The following SCN1A variants were observed in gnomAD, a reference collection of about 807,000 sequenced individuals.
SCN1A encodes the protein sodium channel protein type 1 subunit alpha.
Under a neutral mutation model 193.7 loss-of-function variants are expected in SCN1A, and 13 were observed. The observed-to-expected ratio is 0.07, with a 90% CI of 0.04 to 0.11. The LOEUF is 0.11. Ranked by LOEUF, SCN1A falls within the 10% of genes least tolerant of loss-of-function variation. SCN1A has a pLI of 1.00. For missense variants in SCN1A, 1,432 were observed against 2,451.1 expected, an observed-to-expected ratio of 0.58 and a Z score of 8.78; for synonymous variants, 781 against 843.6, an observed-to-expected ratio of 0.93 and a Z score of 1.29.
intron 16 of SCN1A, among the ~76,000 whole-genome samples, chr2:166,040,961 G>A (rs1171287759): frequency 6.6e-6 from 1 of 152,196 alleles, no homozygotes; most frequent in Non-Finnish European, 1.5e-5. Flanking sequence ...TAATCTATGA[G>A]CTACTTCTGG....
chr2:166,002,804 A>G (rs745996695), intron 23 of SCN1A, 51 bp from the exon 24 acceptor site: 11 of 1,511,848 alleles, frequency 7.3e-6, no homozygotes, highest in Admixed American at 4.3e-5. Flanking sequence ...TCTGTTAATA[A>G]AGAAAAAAAA....
intron 3 of SCN1A, among the ~76,000 whole-genome samples, chr2:166,076,331 A>T (rs1169545842): frequency 2.0e-5 from 3 of 151,880 alleles, no homozygotes; most frequent in Non-Finnish European, 4.4e-5. Context: ...TAATGTTATA[A>T]GTTTAAATAT....
intron 2 of SCN1A, among the ~76,000 whole-genome samples, chr2:166,107,529 T>A (rs545604792): frequency 6.6e-6 from 1 of 152,332 alleles, no homozygotes; most frequent in Non-Finnish European, 1.5e-5. Flanking sequence ...GTAAATGTAA[T>A]TTACTGGAAA....
At chr2:165,998,226 A>G (rs375647889) in intron 25 of SCN1A, 51 bp from the exon 26 acceptor site, 42 of 1,475,898 alleles carry the variant, frequency 2.8e-5, no homozygotes, top group East Asian at 1.8e-4. Context: ...TTAGTGCTGG[A>G]AATGTCACTG....
intron 2 of SCN1A, among the ~76,000 whole-genome samples, chr2:166,108,345 C>T (rs1688923600): frequency 6.6e-6 from 1 of 152,014 alleles, no homozygotes; most frequent in African/African-American, 2.4e-5. Flanking sequence ...CTGGAACCCT[C>T]ATATATTGTT....
At chr2:166,061,603 G>A (rs777359944) in intron 4 of SCN1A, among the ~76,000 whole-genome samples, 2 of 149,938 alleles carry the variant, frequency 1.3e-5, no homozygotes, top group Non-Finnish European at 3.0e-5. Context: ...AAATGTTTGA[G>A]ATGACGGATA....
intron 2 of SCN1A, among the ~76,000 whole-genome samples, chr2:166,117,836 G>A (rs4667873): frequency 0.021 from 3,233 of 152,012 alleles, 284 homozygotes; most frequent in Admixed American, 0.16. Flanking sequence ...GGTAGTGTGC[G>A]CCTGTAATCC....
At chr2:166,084,168 T>C (rs1685835642) in intron 2 of SCN1A, among the ~76,000 whole-genome samples, 1 of 152,042 alleles carries the variant, frequency 6.6e-6, no homozygotes, top group Non-Finnish European at 1.5e-5. Flanking sequence ...CATCTTCCCC[T>C]TTCTCGATGT....
At position 166,048,774 on chromosome 2, in the gene SCN1A, G is replaced by T. The variant is rs77450394; in HGVS notation, c.1028+112C>A. 5,821 of 729,264 alleles carry T rather than the reference G, an allele frequency of 8.0e-3. 287 individuals are homozygous for T. The African/African-American group carries it at 0.093, about 12-fold the overall frequency. The allele number at this position is 729,264 out of a possible 1,614,324, so 45.2% of individuals were successfully genotyped here. On this transcript the variant is annotated intron_variant, in intron 10 of 28. Transcript: ENST00000674923. ...AAAACCTTACATATAGCAAATTAAT[G>T]TCAATAAAATTAGTTGGCTGTTATC...
At chr2:166,131,188 C>T (rs192630735), upstream of SCN1A, among the ~76,000 whole-genome samples, 33 of 152,188 alleles carry the variant, frequency 2.2e-4, no homozygotes, top group East Asian at 6.4e-3. Context: ...TTAGCCATTC[C>T]AGGAACCCCT....
intron 19 of SCN1A, among the ~76,000 whole-genome samples, chr2:166,017,946 A>G (rs1693523433): frequency 6.6e-6 from 1 of 152,062 alleles, no homozygotes. Context: ...ATAGGTTGTC[A>G]GTAATAAGCA....
chr2:166,129,350 T>C (rs140789995), upstream of SCN1A, among the ~76,000 whole-genome samples: 9 of 152,320 alleles, frequency 5.9e-5, no homozygotes, highest in African/African-American at 1.9e-4. Context: ...TTTTGATTTC[T>C]ATGTTTACAA....
intron 2 of SCN1A, among the ~76,000 whole-genome samples, chr2:166,101,483 C>T (rs1688068748): frequency 7.6e-6 from 1 of 132,072 alleles, no homozygotes; most frequent in Admixed American, 8.0e-5. Context: ...ACAATGTGCA[C>T]ATGTACCCTA....
At chr2:166,067,657 C>T (rs1574341943) in intron 4 of SCN1A, among the ~76,000 whole-genome samples, 1 of 149,122 alleles carries the variant, frequency 6.7e-6, no homozygotes, top group South Asian at 2.1e-4. Flanking sequence ...TAAAAAAGAA[C>T]AGTAATTATA....
intron 5 of SCN1A, among the ~76,000 whole-genome samples, chr2:166,058,034 A>G (rs1272204448): frequency 6.6e-6 from 1 of 152,104 alleles, no homozygotes; most frequent in African/African-American, 2.4e-5. Flanking sequence ...CCAATATTCC[A>G]GTACTTCCTT....
chr2:166,005,515 A>G (rs1691536865), intron 23 of SCN1A, among the ~76,000 whole-genome samples: 1 of 151,400 alleles, frequency 6.6e-6, no homozygotes, highest in Non-Finnish European at 1.5e-5. Context: ...AAGTTGGCAT[A>G]CATTTGGCCC....
rs1691321438 is a variant in SCN1A at position 166,126,991 on chromosome 2, G to T, written c.-209C>A. On this transcript the variant is annotated 5_prime_UTR_variant, in exon 2 of 29. It adds an upstream start codon to the 5' untranslated region. Coordinates refer to ENST00000674923, the MANE Select transcript of SCN1A (RefSeq NM_001165963.4). ...TTTGGACAAGCCTCACCTCCACTCAGAAATAATTCTTATGCTGTTCTGAAA... is the reference window on the plus strand; with the variant it reads ...TTTGGACAAGCCTCACCTCCACTCATAAATAATTCTTATGCTGTTCTGAAA... 3 of 152,224 alleles carry T rather than the reference G, an allele frequency of 2.0e-5. No individual in the cohort carries two copies. Among genetic ancestry groups the T allele is most frequent in the South Asian group, 2.1e-4 (1 of 4,824 alleles). 9.4% of individuals were successfully genotyped at this position (152,224 alleles called of 1,614,324 possible).
chr2:166,079,174 C>A (rs1196030005), intron 2 of SCN1A, among the ~76,000 whole-genome samples: 1 of 151,124 alleles, frequency 6.6e-6, no homozygotes, highest in African/African-American at 2.4e-5. Flanking sequence ...TTTTTTTCTA[C>A]TTGACTGTTC....
At chr2:166,111,320 A>G (rs1309799841) in intron 2 of SCN1A, among the ~76,000 whole-genome samples, 1 of 152,092 alleles carries the variant, frequency 6.6e-6, no homozygotes, top group Non-Finnish European at 1.5e-5. Context: ...CTTAAGAAGT[A>G]TGCTAAATAT....
Sources: allele counts gnomAD v4.1 joint callset (sites outside exome capture counted in the v4.1 genomes callset), GRCh38; gene constraint gnomAD v4.1.1; transcripts MANE v1.5; gene names NCBI Gene and HGNC (gene_info 2026-07-23, HGNC 2026-07-21).